ESRRG: variants seen among roughly 807,000 people sequenced by gnomAD.
The protein encoded by ESRRG is estrogen-related receptor gamma.
ESRRG carries 13 observed loss-of-function variants against 44.0 expected under a neutral mutation model. The ratio of observed to expected loss-of-function variants is 0.30; its 90% CI spans 0.19 to 0.47. ESRRG has a LOEUF of 0.47. Ranked by LOEUF, ESRRG falls within the 20% of genes least tolerant of loss-of-function variation. The probability of loss-of-function intolerance (pLI) is 1.00; values close to 1 mark genes in which losing one functional copy is unlikely to be tolerated. For missense variants in ESRRG, 395 were observed against 580.6 expected, an observed-to-expected ratio of 0.68 and a Z score of 3.29; for synonymous variants, 215 against 214.6, an observed-to-expected ratio of 1.00 and a Z score of -0.02.
chr1:216,654,771 G>A (rs187832622), intron 2 of ESRRG, among the ~76,000 whole-genome samples: 2 of 151,906 alleles, frequency 1.3e-5, no homozygotes, highest in Non-Finnish European at 2.9e-5. Flanking sequence ...GAATAAAAGA[G>A]GAAATCATAA....
Position 216,910,004 on chromosome 1 carries a change from T to C in ESRRG, c.-14+29578A>G, listed in dbSNP as rs2060126969. Among the ~76,000 whole-genome samples, 5 of 152,134 alleles carry C rather than the reference T, an allele frequency of 3.3e-5. 1 individual carries two copies. The highest frequency in any genetic ancestry group is 3.3e-4 in the Admixed American group (5 of 15,284). ...TTAACTCCCTGATTTTTAAAACATT[T>C]TAGCTATATAAACTTAAAGGGGATA... is the stretch of plus-strand genomic sequence containing the variant. On this transcript the variant is annotated intron_variant, in intron 2 of 7. Transcript: ENST00000359162.
intron 1 of ESRRG, among the ~76,000 whole-genome samples, chr1:217,026,299 A>G (rs1375365815): frequency 6.6e-6 from 1 of 152,204 alleles, no homozygotes; most frequent in Non-Finnish European, 1.5e-5. Context: ...CTTTAAGGAA[A>G]AGGAAGAGAT....
intron 1 of ESRRG, among the ~76,000 whole-genome samples, chr1:216,688,058 A>G (rs1262532068): frequency 1.3e-5 from 2 of 152,158 alleles, no homozygotes; most frequent in East Asian, 3.8e-4. Flanking sequence ...AAAGGGTGAG[A>G]AAAAAAGAAA....
At chr1:216,525,155 A>G (rs190525114) in intron 5 of ESRRG, among the ~76,000 whole-genome samples, 220 of 152,330 alleles carry the variant, frequency 1.4e-3, no homozygotes, top group African/African-American at 5.1e-3. Context: ...TCAAGTGACA[A>G]TACAGGAAAG....
chr1:216,677,023 AC>A, intron 2 of ESRRG, 52 bp downstream of exon 2: 1 of 1,383,220 alleles, frequency 7.2e-7, no homozygotes, highest in Non-Finnish European at 1.0e-6. Flanking sequence ...AAAAACAAAA[AC>A]CCATCATGTG....
At chr1:216,998,030 G>C (rs889031624) in intron 1 of ESRRG, among the ~76,000 whole-genome samples, 4 of 152,016 alleles carry the variant, frequency 2.6e-5, no homozygotes, top group African/African-American at 7.3e-5. Context: ...CAGGATCTTT[G>C]TTTCCTAAGG....
At chr1:216,675,469 C>T (rs775942005) in intron 2 of ESRRG, among the ~76,000 whole-genome samples, 4 of 152,124 alleles carry the variant, frequency 2.6e-5, no homozygotes, top group Non-Finnish European at 5.9e-5. Flanking sequence ...ACTTAACAAA[C>T]ATTACTTCTT....
intron 2 of ESRRG, among the ~76,000 whole-genome samples, chr1:216,663,321 C>T (rs1311475478): frequency 2.0e-5 from 3 of 152,114 alleles, no homozygotes; most frequent in South Asian, 2.1e-4. Flanking sequence ...GATTTTTGTG[C>T]TTATCTCTGA....
chr1:216,667,995 G>A (rs963366665), intron 2 of ESRRG, among the ~76,000 whole-genome samples: 1 of 151,542 alleles, frequency 6.6e-6, no homozygotes, highest in African/African-American at 2.4e-5. Flanking sequence ...CACTCAGAAG[G>A]CTGAGGCAGA....
chr1:216,591,170 C>T (rs945155794), intron 3 of ESRRG, among the ~76,000 whole-genome samples: 22 of 152,184 alleles, frequency 1.4e-4, no homozygotes, highest in African/African-American at 4.8e-4. Context: ...TTAGAACTTT[C>T]AGCCACACTC....
intron 4 of ESRRG, among the ~76,000 whole-genome samples, chr1:216,564,660 T>C (rs1187665971): frequency 6.6e-6 from 1 of 152,164 alleles, no homozygotes. Flanking sequence ...AAAATTTTTA[T>C]AGCAAACAGA....
intron 1 of ESRRG, among the ~76,000 whole-genome samples, chr1:217,110,487 A>C (rs1233477531): frequency 6.6e-6 from 1 of 152,210 alleles, no homozygotes; most frequent in Non-Finnish European, 1.5e-5. Context: ...TATAAAGAAA[A>C]GACGTTTACT....
chr1:217,109,237 A>G (rs1486906033), intron 1 of ESRRG, among the ~76,000 whole-genome samples: 2 of 152,196 alleles, frequency 1.3e-5, no homozygotes, highest in African/African-American at 4.8e-5. Context: ...GAATATTCTA[A>G]GGGAACTCCA....
chr1:216,791,523 T>C (rs769802155), intron 2 of ESRRG, among the ~76,000 whole-genome samples: 3 of 152,114 alleles, frequency 2.0e-5, no homozygotes, highest in Non-Finnish European at 2.9e-5. Context: ...GAGGAAAGAT[T>C]TGATCTCTGA....
At chr1:216,685,582 A>G (rs1040983955) in intron 1 of ESRRG, among the ~76,000 whole-genome samples, 1 of 152,232 alleles carries the variant, frequency 6.6e-6, no homozygotes, top group Non-Finnish European at 1.5e-5. Flanking sequence ...CATTCAACTC[A>G]TAGAAAGTCT....
At chr1:216,659,712 C>T (rs901647093) in intron 2 of ESRRG, among the ~76,000 whole-genome samples, 2 of 152,144 alleles carry the variant, frequency 1.3e-5, no homozygotes, top group Admixed American at 6.6e-5. Context: ...GATCCCAGGG[C>T]TCCCAAGACT....
intron 2 of ESRRG, among the ~76,000 whole-genome samples, chr1:216,846,519 G>A (rs1026350207): frequency 1.3e-5 from 2 of 152,012 alleles, no homozygotes; most frequent in Non-Finnish European, 1.5e-5. Flanking sequence ...ACTACGTTCC[G>A]ATAAAATTTT....
At chr1:216,658,056 C>G (rs1195834081) in intron 2 of ESRRG, among the ~76,000 whole-genome samples, 1 of 152,094 alleles carries the variant, frequency 6.6e-6, no homozygotes, top group Non-Finnish European at 1.5e-5. Flanking sequence ...CACAAGCAGG[C>G]AGGCTTTTAA....
chr1:216,540,989 C>A (rs1005921564), intron 5 of ESRRG, among the ~76,000 whole-genome samples: 2 of 151,900 alleles, frequency 1.3e-5, no homozygotes, highest in Non-Finnish European at 2.9e-5. Flanking sequence ...GTTGAAGAGA[C>A]AGGGATTCTC....
Sources: gnomAD v4.1 joint callset for allele counts (sites outside exome capture counted in the v4.1 genomes callset) on GRCh38, gnomAD v4.1.1 for gene constraint, MANE v1.5 for transcripts, NCBI Gene and HGNC (gene_info 2026-07-23, HGNC 2026-07-21) for gene names.